The following SH3RF2 variants were observed in gnomAD, a reference collection of about 807,000 sequenced individuals.
SH3RF2 encodes SH3 domain containing ring finger 2, also known as E3 ubiquitin-protein ligase SH3RF2.
In SH3RF2, 43 loss-of-function variants were observed where a neutral mutation model predicts 59.0. That is an observed-to-expected ratio of 0.73 (90% CI 0.57 to 0.94). The LOEUF (loss-of-function observed/expected upper bound fraction) is 0.94. Among genes scored for constraint, SH3RF2 ranks in the 40% least tolerant of loss-of-function variants. The pLI is 0.00. For missense variants in SH3RF2, 930 were observed against 940.1 expected (o/e 0.99, Z 0.14); for synonymous variants, 391 against 391.5 (o/e 1.00, Z 0.01).
intron 2 of SH3RF2, among the ~76,000 whole-genome samples, chr5:145,985,755 A>G (rs551681395): frequency 6.6e-6 from 1 of 152,272 alleles, no homozygotes; most frequent in South Asian, 2.1e-4. Flanking sequence ...GCTCATGCCT[A>G]TAATCCCAGT....
chr5:146,048,950 C>T, intron 6 of SH3RF2, 125 bp from the exon 7 acceptor site: 3 of 1,132,662 alleles, frequency 2.6e-6, no homozygotes, highest in South Asian at 1.5e-5. Context: ...AACCACCGCA[C>T]CCGCTCGACC....
intron 5 of SH3RF2, among the ~76,000 whole-genome samples, chr5:146,016,578 G>A (rs147065023): frequency 6.6e-6 from 1 of 152,182 alleles, no homozygotes; most frequent in Admixed American, 6.5e-5. Flanking sequence ...GGTAATTAAG[G>A]CCCCAAAAGA....
intron 5 of SH3RF2, among the ~76,000 whole-genome samples, chr5:146,021,531 C>G (rs1761315451): frequency 6.6e-6 from 1 of 152,118 alleles, no homozygotes; most frequent in Non-Finnish European, 1.5e-5. Flanking sequence ...TTATCTGCCC[C>G]CATAGTGCCT....
At chr5:146,081,470 G>C (rs1763424392) in exon 10 of SH3RF2, 2 of 152,110 alleles carry the variant, frequency 1.3e-5, no homozygotes, top group Admixed American at 1.3e-4. Flanking sequence ...GCTTGACTTG[G>C]GTTAGTGGCC....
intron 2 of SH3RF2, chr5:145,998,071 T>C: frequency 1.8e-6 from 1 of 571,304 alleles, no homozygotes; most frequent in Non-Finnish European, 3.2e-6. Flanking sequence ...TTGCAAATAA[T>C]GATGAAAAAA....
chr5:145,983,041 G>T (rs1471552039), intron 2 of SH3RF2, among the ~76,000 whole-genome samples: 1 of 152,104 alleles, frequency 6.6e-6, no homozygotes, highest in Non-Finnish European at 1.5e-5. Flanking sequence ...TTGTAGAAAG[G>T]CAATGGTGCT....
chr5:146,064,799 GGAAGGAAGGAAAGAAAGAAA>G (rs1763047643), downstream of SH3RF2, among the ~76,000 whole-genome samples: 3 of 28,014 alleles, frequency 1.1e-4, no homozygotes, highest in African/African-American at 3.5e-4. Flanking sequence ...AAGGAAGGAA[GGAAGGAAGGAAAGAAAGAAA>G]GAAAGAAAGA....
intron 2 of SH3RF2, among the ~76,000 whole-genome samples, chr5:145,963,473 T>C (rs1758715186): frequency 6.6e-6 from 1 of 152,158 alleles, no homozygotes. Flanking sequence ...AACCTTCCTC[T>C]TGTCCCAATA....
chr5:145,974,357 T>C (rs1212466221), intron 2 of SH3RF2, among the ~76,000 whole-genome samples: 1 of 152,064 alleles, frequency 6.6e-6, no homozygotes, highest in Non-Finnish European at 1.5e-5. Flanking sequence ...ATCCCACCTA[T>C]ATTCAAGGAG....
At chr5:146,050,324 C>T (rs1343784045) in intron 7 of SH3RF2, among the ~76,000 whole-genome samples, 1 of 152,120 alleles carries the variant, frequency 6.6e-6, no homozygotes, top group Non-Finnish European at 1.5e-5. Flanking sequence ...TCAAGAACAT[C>T]TTGGTTCAAT....
At chr5:146,026,493 A>C (rs956594079) in intron 5 of SH3RF2, among the ~76,000 whole-genome samples, 1 of 152,194 alleles carries the variant, frequency 6.6e-6, no homozygotes, top group Non-Finnish European at 1.5e-5. Flanking sequence ...CTAACAGCAC[A>C]CTCTGAAGAT....
chr5:146,025,561 A>G (rs1761499868), intron 5 of SH3RF2, among the ~76,000 whole-genome samples: 2 of 152,222 alleles, frequency 1.3e-5, no homozygotes, highest in Admixed American at 1.3e-4. Flanking sequence ...TTGCATTTCT[A>G]TACCAGTTTT....
chr5:145,996,980 A>G (rs1760184154), intron 2 of SH3RF2, among the ~76,000 whole-genome samples: 1 of 152,190 alleles, frequency 6.6e-6, no homozygotes, highest in South Asian at 2.1e-4. Flanking sequence ...GTGCTCGGTA[A>G]TTAGTTATTA....
At chr5:145,980,239 G>T (rs10477293) in intron 2 of SH3RF2, among the ~76,000 whole-genome samples, 9 of 152,162 alleles carry the variant, frequency 5.9e-5, no homozygotes, top group African/African-American at 1.7e-4. Context: ...ACACCCACAC[G>T]TAACGAGGCA....
chr5:145,947,220 G>T (rs926519725), intron 2 of SH3RF2, among the ~76,000 whole-genome samples: 1 of 150,596 alleles, frequency 6.6e-6, no homozygotes, highest in Admixed American at 6.6e-5. Context: ...AATAGGAATA[G>T]GTATTTAGTA....
chr5:145,999,529 G>GATGTGAAAC (rs1389041486), intron 2 of SH3RF2, among the ~76,000 whole-genome samples: 1 of 152,114 alleles, frequency 6.6e-6, no homozygotes, highest in Non-Finnish European at 1.5e-5. Flanking sequence ...TAAAGTGAGA[G>GATGTGAAAC]ATGTGAAACT....
intron 2 of SH3RF2, among the ~76,000 whole-genome samples, chr5:145,985,090 A>G (rs1411479668): frequency 6.6e-6 from 1 of 152,182 alleles, no homozygotes; most frequent in African/African-American, 2.4e-5. Context: ...CAGGAGGACC[A>G]GGCTTCAGTG....
intron 2 of SH3RF2, among the ~76,000 whole-genome samples, chr5:145,970,745 C>G (rs1759049068): frequency 6.6e-6 from 1 of 151,996 alleles, no homozygotes. Flanking sequence ...ACCTAGTAAA[C>G]TGAAAAGACA....
rs114744293 is a variant in SH3RF2, at chr5:145,948,058, C to G, written c.378+9752C>G. On this transcript the variant is annotated intron_variant, in intron 2 of 9. Coordinates refer to ENST00000359120, the MANE Select transcript of SH3RF2 (RefSeq NM_152550.4). ...AGAGCACAGATGAAGAACTGGTCAA[C>G]TCTACAAACAGAGTACATGTATGGA... Among the ~76,000 whole-genome samples the G allele has an allele frequency of 8.4e-3, 1,278 of 152,240 alleles. 25 individuals carry two copies. Among genetic ancestry groups the G allele is most frequent in the African/African-American group, 0.029 (1,212 of 41,540 alleles).
Sources: gnomAD v4.1 joint callset for allele counts (sites outside exome capture counted in the v4.1 genomes callset) on GRCh38, gnomAD v4.1.1 for gene constraint, MANE v1.5 for transcripts, NCBI Gene and HGNC (gene_info 2026-07-23, HGNC 2026-07-21) for gene names.